Variants in FGF13 observed in about 807,000 individuals in gnomAD.
FGF13 encodes the protein fibroblast growth factor homologous factor 2.
A neutral mutation model predicts 19.5 loss-of-function variants in FGF13; 2 were observed. The ratio of observed to expected loss-of-function variants is 0.10; its 90% CI spans 0.04 to 0.32. The LOEUF (loss-of-function observed/expected upper bound fraction) is 0.32, where lower values mean the gene tolerates loss of function less well. Among genes scored for constraint, FGF13 ranks in the 10% least tolerant of loss-of-function variants. The pLI is 1.00. For synonymous variants in FGF13, 72 were observed against 76.9 expected (o/e 0.94, Z 0.33); for missense variants, 113 against 192.7 (o/e 0.59, Z 2.45).
chrX:138,910,838 T>C (rs773784880), intron 1 of FGF13, among the ~76,000 whole-genome samples: 10 of 112,368 alleles, frequency 8.9e-5, no homozygotes, highest in Non-Finnish European at 1.7e-4. Flanking sequence ...AGAACCAGGA[T>C]TGAAATCCAG....
chrX:138,872,248 A>G (rs1283609961), intron 1 of FGF13, among the ~76,000 whole-genome samples: 1 of 112,074 alleles, frequency 8.9e-6, no homozygotes, highest in Non-Finnish European at 1.9e-5. Flanking sequence ...TACATTTCAC[A>G]AACGGAAAAT....
rs1488470462 is a variant in FGF13 at position 138,632,733 on chromosome X, G to GT, written c.*116dup. 3 of 833,281 alleles carry GT rather than the reference G, an allele frequency of 3.6e-6. No individual in the cohort carries two copies. The highest frequency in any genetic ancestry group is 5.1e-6 in the Non-Finnish European group (3 of 591,199). 68.7% of individuals were successfully genotyped at this position (833,281 alleles called of 1,213,427 possible). ...GCAGATAGAATAGTGAACTCTGCCT[G>GT]TTTGTTTGGTAAATGTCACTGACAA... On this transcript the variant is annotated 3_prime_UTR_variant, in exon 5 of 5. Coordinates refer to ENST00000315930, the MANE Select transcript of FGF13 (RefSeq NM_004114.5).
At chrX:138,673,432 A>G (rs1204428558) in intron 3 of FGF13, among the ~76,000 whole-genome samples, 1 of 110,899 alleles carries the variant, frequency 9.0e-6, no homozygotes, top group Non-Finnish European at 1.9e-5. Flanking sequence ...TGTTTTACAC[A>G]CATGGGGATA....
intron 1 of FGF13, among the ~76,000 whole-genome samples, chrX:138,930,703 G>A (rs767714534): frequency 1.1e-4 from 12 of 112,121 alleles, no homozygotes; most frequent in African/African-American, 3.9e-4. Context: ...AGTAGAGATG[G>A]TAACAAATAA....
At chrX:138,739,150 G>A in intron 1 of FGF13, 1 of 554,313 alleles carries the variant, frequency 1.8e-6, no homozygotes, top group African/African-American at 2.3e-5. Flanking sequence ...AAGATCCCTG[G>A]TATAATTTTG....
chrX:138,987,232 T>C lies in FGF13; in HGVS notation c.-112-122582A>G, dbSNP rs183503886. On this transcript the variant is annotated intron_variant, in intron 1 of 2. Coordinates refer to the FGF13 transcript ENST00000421460. Reference sequence around the variant, plus strand: ...CAGATGTGAGAGTAAGCATTCAGTTTTTCTAGAAATCTAATTATTTTAAGT... The same window carrying C: ...CAGATGTGAGAGTAAGCATTCAGTTCTTCTAGAAATCTAATTATTTTAAGT... Among the ~76,000 whole-genome samples the C allele has an allele frequency of 9.9e-4, 111 of 112,073 alleles. 1 individual carries two copies. Among genetic ancestry groups the C allele is most frequent in the Admixed American group, 1.4e-3 (15 of 10,573 alleles).
chrX:138,995,286 A>G (rs1449020270), intron 1 of FGF13, among the ~76,000 whole-genome samples: 2 of 111,424 alleles, frequency 1.8e-5, no homozygotes, highest in African/African-American at 6.5e-5. Flanking sequence ...TACTTATTTT[A>G]TTTATTTTTT....
intron 1 of FGF13, among the ~76,000 whole-genome samples, chrX:139,010,995 A>G (rs768620374): frequency 3.6e-5 from 4 of 111,526 alleles, no homozygotes; most frequent in Non-Finnish European, 7.5e-5. Flanking sequence ...CCAAGGAAAT[A>G]CAAAAGATTA....
intron 1 of FGF13, among the ~76,000 whole-genome samples, chrX:138,926,368 G>A (rs1056793161): frequency 1.8e-5 from 2 of 112,379 alleles, no homozygotes; most frequent in African/African-American, 3.2e-5. Context: ...CAGACAGTAT[G>A]CAATCAGCAT....
chrX:138,685,720 C>G (rs1032603468), intron 3 of FGF13, among the ~76,000 whole-genome samples: 4 of 111,390 alleles, frequency 3.6e-5, no homozygotes, highest in Non-Finnish European at 5.7e-5. Flanking sequence ...TAATCCTACT[C>G]TTAGAATCCT....
At chrX:138,983,545 G>T (rs1286343012) in intron 1 of FGF13, among the ~76,000 whole-genome samples, 4 of 107,958 alleles carry the variant, frequency 3.7e-5, no homozygotes, top group Admixed American at 1.0e-4. Flanking sequence ...TAGTGAGAAT[G>T]CTGAGAAATT....
chrX:138,705,722 CA>C lies in FGF13; in HGVS notation c.299-2636del, dbSNP rs963784787. On this transcript the variant is annotated intron_variant, in intron 2 of 4. Coordinates refer to ENST00000315930, the MANE Select transcript of FGF13 (RefSeq NM_004114.5). ...AGATAAAAATGCAAAGAAATTATAT[CA>C]GGGGTGAGCTTAAACCAAATAAATA... is the stretch of plus-strand genomic sequence containing the variant. Among the ~76,000 whole-genome samples, 37 of 111,740 alleles carry C rather than the reference CA, an allele frequency of 3.3e-4. No individual in the cohort carries two copies. The East Asian group carries it at 4.8e-3, about 15-fold the overall frequency.
At chrX:138,763,628 A>G (rs935855156) in intron 3 of FGF13, among the ~76,000 whole-genome samples, 4 of 111,975 alleles carry the variant, frequency 3.6e-5, no homozygotes, top group African/African-American at 9.7e-5. Context: ...ACCCTAAATC[A>G]TGAACCTCAA....
intron 1 of FGF13, among the ~76,000 whole-genome samples, chrX:139,197,710 G>C (rs2084383713): frequency 8.9e-6 from 1 of 111,745 alleles, no homozygotes; most frequent in Admixed American, 9.4e-5. Context: ...AAAAATAGGA[G>C]GCCAGGTGCA....
In FGF13 at chrX:139,015,917, G is replaced by A. The variant is rs977131597; in HGVS notation, c.-112-151267C>T. 8.1e-5 allele frequency among the ~76,000 whole-genome samples: 9 copies of A among 111,353 alleles called. 1 individual carries two copies. In the Middle Eastern group the frequency reaches 0.014, roughly 171 times the overall value. ...AAAGACAAATCCACACATCTACAGC[G>A]AACTCATTTTTGACCAAAGTATCAG... On this transcript the variant is annotated intron_variant, in intron 1 of 2. Transcript: ENST00000421460.
chrX:138,922,269 G>A (rs1217756114), intron 1 of FGF13, among the ~76,000 whole-genome samples: 2 of 111,539 alleles, frequency 1.8e-5, no homozygotes, highest in Middle Eastern at 4.6e-3. Flanking sequence ...GGCTTTCAAT[G>A]GCAGAATTTG....
intron 2 of FGF13, among the ~76,000 whole-genome samples, chrX:138,859,813 G>T (rs777651100): frequency 1.8e-5 from 2 of 112,375 alleles, no homozygotes; most frequent in South Asian, 3.7e-4. Context: ...TCATAAAAGT[G>T]CAGGATAATT....
intron 3 of FGF13, among the ~76,000 whole-genome samples, chrX:138,775,560 G>A (rs1012172191): frequency 5.4e-5 from 6 of 111,538 alleles, no homozygotes; most frequent in East Asian, 2.8e-4. Flanking sequence ...TTCTTATCTC[G>A]TCTCTCATTT....
At chrX:138,720,346 C>T (rs1207629327) in intron 1 of FGF13, among the ~76,000 whole-genome samples, 1 of 112,048 alleles carries the variant, frequency 8.9e-6, no homozygotes, top group Admixed American at 9.5e-5. Flanking sequence ...TTTGTTTACT[C>T]TTTTAATACT....
Sources: gnomAD v4.1 joint callset for allele counts (sites outside exome capture counted in the v4.1 genomes callset) on GRCh38, gnomAD v4.1.1 for gene constraint, MANE v1.5 for transcripts, NCBI Gene and HGNC (gene_info 2026-07-23, HGNC 2026-07-21) for gene names.